The following CACNA2D1 variants were observed in gnomAD, a reference collection of about 807,000 sequenced individuals.
CACNA2D1 encodes calcium voltage-gated channel auxiliary subunit alpha2delta 1.
CACNA2D1 carries 53 observed loss-of-function variants against 171.5 expected under a neutral mutation model. The ratio of observed to expected loss-of-function variants is 0.31; its 90% confidence interval spans 0.25 to 0.39. The LOEUF (loss-of-function observed/expected upper bound fraction) is 0.39. Among genes scored for constraint, CACNA2D1 ranks in the 10% least tolerant of loss-of-function variants. CACNA2D1 has a pLI of 1.00. For synonymous variants in CACNA2D1, 442 were observed against 443.1 expected, an observed-to-expected ratio of 1.00 and a Z score of 0.03; for missense variants, 903 against 1,299.8, an observed-to-expected ratio of 0.69 and a Z score of 4.69.
intron 3 of CACNA2D1, among the ~76,000 whole-genome samples, chr7:82,303,427 A>C (rs1217850187): frequency 2.0e-5 from 3 of 151,804 alleles, no homozygotes; most frequent in Non-Finnish European, 4.4e-5. Flanking sequence ...AAATAGAAAA[A>C]AAAATTCTAA....
At chr7:81,980,483 C>T (rs533237162) in intron 24 of CACNA2D1, among the ~76,000 whole-genome samples, 52 of 152,278 alleles carry the variant, frequency 3.4e-4, no homozygotes, top group Admixed American at 7.2e-4. Flanking sequence ...GGGGACCACA[C>T]TGGTACACCA....
At chr7:82,280,897 G>C (rs572222899) in intron 3 of CACNA2D1, among the ~76,000 whole-genome samples, 1 of 152,106 alleles carries the variant, frequency 6.6e-6, no homozygotes, top group East Asian at 1.9e-4. Flanking sequence ...GAAGAACCAA[G>C]ACACAAATTT....
intron 1 of CACNA2D1, among the ~76,000 whole-genome samples, chr7:82,357,790 A>G (rs1192253650): frequency 6.6e-6 from 1 of 151,734 alleles, no homozygotes; most frequent in Admixed American, 6.6e-5. Context: ...GCAGCACACC[A>G]ACATGGCACA....
intron 3 of CACNA2D1, among the ~76,000 whole-genome samples, chr7:82,246,281 A>C (rs980858329): frequency 6.6e-6 from 1 of 151,612 alleles, no homozygotes; most frequent in Non-Finnish European, 1.5e-5. Flanking sequence ...TAATATATAC[A>C]TTTAATTTAT....
At chr7:82,185,268 AT>A (rs566927926) in intron 3 of CACNA2D1, among the ~76,000 whole-genome samples, 1 of 150,594 alleles carries the variant, frequency 6.6e-6, no homozygotes, top group Admixed American at 6.6e-5. Flanking sequence ...TACATCTGGT[AT>A]TTTTTTTGTC....
intron 7 of CACNA2D1, among the ~76,000 whole-genome samples, chr7:82,081,408 T>C (rs1809755943): frequency 6.6e-6 from 1 of 152,212 alleles, no homozygotes; most frequent in Non-Finnish European, 1.5e-5. Flanking sequence ...ATTGTCTCAA[T>C]GTCTTTACTA....
chr7:82,060,370 C>A lies in CACNA2D1; in HGVS notation c.879+58G>T, dbSNP rs967597996. 4.5e-6 allele frequency: 5 copies of A among 1,111,562 alleles called. No homozygotes were observed. In the Admixed American group the frequency reaches 7.0e-5, roughly 15 times the overall value. 68.9% of individuals were successfully genotyped at this position (1,111,562 alleles called of 1,614,324 possible). A position where few individuals can be genotyped will look rare whatever the true frequency, so the allele number is the denominator to read the frequency against. On this transcript the variant is annotated intron_variant, in intron 10 of 38. Coordinates refer to ENST00000356860, the MANE Select transcript of CACNA2D1 (RefSeq NM_000722.4). ...GATAAAAGTATAAAGTACCTAAAGT[C>A]AGGAGAAGATAGAAATTGCAAATTT...
chr7:82,133,582 ATAAGTT>A (rs913627230), intron 5 of CACNA2D1, among the ~76,000 whole-genome samples: 3 of 152,216 alleles, frequency 2.0e-5, no homozygotes, highest in Admixed American at 6.5e-5. Context: ...TATCCTAAAA[ATAAGTT>A]TAAAACTTTG....
chr7:82,222,898 C>CTTT (rs796527774), intron 3 of CACNA2D1, among the ~76,000 whole-genome samples: 2 of 124,538 alleles, frequency 1.6e-5, no homozygotes, highest in African/African-American at 5.5e-5. Context: ...TTCTTTCTTT[C>CTTT]TTTTTTTTTT....
intron 1 of CACNA2D1, among the ~76,000 whole-genome samples, chr7:82,365,170 A>G (rs1371490169): frequency 6.6e-6 from 1 of 152,226 alleles, no homozygotes; most frequent in Non-Finnish European, 1.5e-5. Context: ...AAAGGAACGC[A>G]CATTTTAGAA....
rs67691849 is a variant in CACNA2D1 at position 81,953,566 on chromosome 7, A to AG, written c.3160-3059_3160-3058insC. 2.0e-5 allele frequency among the ~76,000 whole-genome samples: 3 copies of AG among 151,994 alleles called. 1 individual carries two copies. Among genetic ancestry groups the AG allele is most frequent in the Admixed American group, 2.0e-4 (3 of 15,238 alleles). ...CAATTGAATATCAGATTAAAAAAAA[A>AG]ACAAATACTTTATATAAATGTATTT... On this transcript the variant is annotated intron_variant, in intron 38 of 38. Transcript: ENST00000356860.
intron 4 of CACNA2D1, among the ~76,000 whole-genome samples, chr7:82,164,330 A>G (rs1176151091): frequency 6.6e-6 from 1 of 152,048 alleles, no homozygotes; most frequent in African/African-American, 2.4e-5. Context: ...ATATTTTAGC[A>G]GTTAAAAGTG....
intron 3 of CACNA2D1, among the ~76,000 whole-genome samples, chr7:82,179,859 C>A (rs1331285355): frequency 1.3e-5 from 2 of 151,788 alleles, no homozygotes; most frequent in African/African-American, 2.4e-5. Context: ...AGAAGTTAGA[C>A]TCGTCATAAA....
Position 82,283,670 on chromosome 7 carries a change from A to ATT in CACNA2D1, c.294+51463_294+51464dup, listed in dbSNP as rs5885281. Among the ~76,000 whole-genome samples, 13 of 151,892 alleles carry ATT rather than the reference A, an allele frequency of 8.6e-5. No homozygotes were observed. In the South Asian group the frequency reaches 1.5e-3, roughly 17 times the overall value. On this transcript the variant is annotated intron_variant, in intron 3 of 38. Coordinates refer to ENST00000356860, the MANE Select transcript of CACNA2D1 (RefSeq NM_000722.4). ...CTAACAATCACCATAAAGAATCTCTATTTTTTTTAGTAACATAAGGTCACA... is the reference window on the plus strand; with the variant it reads ...CTAACAATCACCATAAAGAATCTCTATTTTTTTTTTAGTAACATAAGGTCACA...
chr7:82,345,523 A>C (rs1819141216), intron 2 of CACNA2D1, among the ~76,000 whole-genome samples: 2 of 152,212 alleles, frequency 1.3e-5, no homozygotes, highest in South Asian at 2.1e-4. Flanking sequence ...TCATAACAAC[A>C]ATGTGACATG....
intron 10 of CACNA2D1, among the ~76,000 whole-genome samples, chr7:82,057,141 A>T (rs543378061): frequency 5.9e-5 from 9 of 152,294 alleles, no homozygotes; most frequent in South Asian, 2.1e-4. Flanking sequence ...ATAATTTTTT[A>T]AAAATGGTTG....
chr7:82,049,881 C>G (rs1804994272), intron 10 of CACNA2D1, among the ~76,000 whole-genome samples: 1 of 152,164 alleles, frequency 6.6e-6, no homozygotes, highest in South Asian at 2.1e-4. Flanking sequence ...AGATTTGTCA[C>G]AAAACTGTAT....
intron 3 of CACNA2D1, among the ~76,000 whole-genome samples, chr7:82,215,659 A>G (rs1268758931): frequency 1.3e-5 from 2 of 152,136 alleles, no homozygotes; most frequent in African/African-American, 2.4e-5. Flanking sequence ...GTTCTAATAT[A>G]TTAAGCATTT....
At chr7:82,102,684 T>C (rs1812822095) in intron 6 of CACNA2D1, among the ~76,000 whole-genome samples, 1 of 152,048 alleles carries the variant, frequency 6.6e-6, no homozygotes, top group African/African-American at 2.4e-5. Flanking sequence ...ATCTACAAGG[T>C]CATGGGGCAG....
Sources: allele counts gnomAD v4.1 joint callset (sites outside exome capture counted in the v4.1 genomes callset), GRCh38; gene constraint gnomAD v4.1.1; transcripts MANE v1.5; gene names NCBI Gene and HGNC (gene_info 2026-07-23, HGNC 2026-07-21).